Variants in LMAN2L observed in about 807,000 individuals in gnomAD.
LMAN2L encodes lectin, mannose binding 2 like.
A neutral mutation model predicts 44.3 loss-of-function variants in LMAN2L; 30 were observed. The observed-to-expected ratio is 0.68, with a 90% CI of 0.51 to 0.92. LMAN2L has a LOEUF of 0.92. Ranked by LOEUF, LMAN2L falls within the 40% of genes least tolerant of loss-of-function variation. LMAN2L has a pLI of 0.00. For missense variants in LMAN2L, 429 were observed against 446.1 expected, an observed-to-expected ratio of 0.96 and a Z score of 0.35; for synonymous variants, 183 against 171.1, an observed-to-expected ratio of 1.07 and a Z score of -0.54.
intron 2 of LMAN2L, among the ~76,000 whole-genome samples, chr2:96,736,473 G>C (rs62156215): frequency 0.027 from 4,079 of 152,298 alleles, 71 homozygotes; most frequent in Middle Eastern, 0.044. Context: ...GGCTATACTA[G>C]AACTGCTGCT....
chr2:96,712,200 A>G (rs1376347553), intron 4 of LMAN2L, among the ~76,000 whole-genome samples, 175 bp from the exon 5 acceptor site: 1 of 152,150 alleles, frequency 6.6e-6, no homozygotes, highest in African/African-American at 2.4e-5. Context: ...CTCTCAAGGG[A>G]AATGGGCCCA....
intron 4 of LMAN2L, among the ~76,000 whole-genome samples, chr2:96,721,857 A>C (rs547841590): frequency 1.1e-3 from 174 of 151,920 alleles, no homozygotes; most frequent in Non-Finnish European, 2.0e-3. Context: ...GTAGTCCTCA[A>C]CCTTTTTGGC....
At chr2:96,711,432 G>A (rs934120975) in intron 6 of LMAN2L, among the ~76,000 whole-genome samples, 3 of 152,236 alleles carry the variant, frequency 2.0e-5, no homozygotes, top group Admixed American at 6.5e-5. Flanking sequence ...GACAAACACT[G>A]CTTTCTATTA....
At chr2:96,722,363 G>C (rs1028263825) in intron 4 of LMAN2L, among the ~76,000 whole-genome samples, 90 of 151,938 alleles carry the variant, frequency 5.9e-4, no homozygotes, top group African/African-American at 2.1e-3. Context: ...CCCTAAGCTT[G>C]TTTTCCTGCA....
intron 2 of LMAN2L, 57 bp from the exon 3 acceptor site, chr2:96,734,583 G>GCCCA: frequency 9.3e-7 from 1 of 1,072,102 alleles, no homozygotes; most frequent in East Asian, 2.4e-5. Flanking sequence ...AACCCCTCAA[G>GCCCA]CCCACATCAG....
At chr2:96,725,477 C>T (rs1280834372) in intron 4 of LMAN2L, among the ~76,000 whole-genome samples, 2 of 142,456 alleles carry the variant, frequency 1.4e-5, no homozygotes, top group African/African-American at 5.2e-5. Context: ...GAGTCTCGTT[C>T]TGTCACCCAG....
intron 4 of LMAN2L, among the ~76,000 whole-genome samples, chr2:96,725,473 C>T (rs1404835480): frequency 2.7e-5 from 4 of 147,138 alleles, no homozygotes; most frequent in Admixed American, 2.0e-4. Context: ...GACGGAGTCT[C>T]GTTCTGTCAC....
chr2:96,712,378 G>A (rs2077945665), intron 4 of LMAN2L, among the ~76,000 whole-genome samples: 1 of 152,118 alleles, frequency 6.6e-6, no homozygotes, highest in Non-Finnish European at 1.5e-5. Context: ...TCGTGTATAT[G>A]TACCTATCTC....
chr2:96,730,567 C>T (rs2078371485), intron 4 of LMAN2L, among the ~76,000 whole-genome samples: 1 of 152,192 alleles, frequency 6.6e-6, no homozygotes, highest in South Asian at 2.1e-4. Flanking sequence ...GCAAGGTGAA[C>T]AGCAGCCCTA....
chr2:96,723,489 C>T (rs2078202311), intron 4 of LMAN2L, among the ~76,000 whole-genome samples: 1 of 152,158 alleles, frequency 6.6e-6, no homozygotes, highest in Admixed American at 6.5e-5. Flanking sequence ...CTTTACATTT[C>T]CTTGATGATG....
chr2:96,732,431 G>C (rs2078420678), intron 4 of LMAN2L, among the ~76,000 whole-genome samples: 2 of 151,728 alleles, frequency 1.3e-5, no homozygotes, highest in Admixed American at 6.6e-5. Flanking sequence ...GGATCACGAG[G>C]TCAGGGGTTC....
intron 4 of LMAN2L, among the ~76,000 whole-genome samples, chr2:96,730,919 C>T (rs867292096): frequency 3.9e-5 from 6 of 152,158 alleles, no homozygotes; most frequent in East Asian, 1.9e-4. Context: ...GTGATCCACC[C>T]GCCTTGGCCT....
intron 4 of LMAN2L, among the ~76,000 whole-genome samples, chr2:96,723,702 T>C (rs895606803): frequency 1.3e-5 from 2 of 152,196 alleles, no homozygotes; most frequent in Non-Finnish European, 2.9e-5. Flanking sequence ...ATTTTCTGTG[T>C]GGTGTGAAAT....
chr2:96,728,262 C>T (rs531689418), intron 4 of LMAN2L, among the ~76,000 whole-genome samples: 8 of 151,410 alleles, frequency 5.3e-5, no homozygotes, highest in South Asian at 4.2e-4. Flanking sequence ...CCGAGGCGGG[C>T]GGATCACGAG....
intron 2 of LMAN2L, among the ~76,000 whole-genome samples, chr2:96,736,826 G>A (rs1260577112): frequency 6.6e-6 from 1 of 152,166 alleles, no homozygotes; most frequent in Non-Finnish European, 1.5e-5. Context: ...CTTTATCTCT[G>A]CTACGAAAAC....
chr2:96,734,373 T>C (rs2078469211), intron 3 of LMAN2L, 36 bp downstream of exon 3: 1 of 1,281,922 alleles, frequency 7.8e-7, no homozygotes, highest in Non-Finnish European at 1.1e-6. Context: ...AATCAGGCTG[T>C]CACACCCACA....
In LMAN2L at chr2:96,738,084, G is replaced by T; in HGVS notation, c.188-17C>A. The stretch of plus-strand genomic sequence containing the variant: ...TGCCCACACCTACAGGAAGGAAGTA[G>T]ATCAGTTCATACTTTTCAACACCAA... On this transcript the variant is annotated splice_polypyrimidine_tract_variant and intron_variant, in intron 1 of 7. Coordinates refer to ENST00000264963, the MANE Select transcript of LMAN2L (RefSeq NM_030805.4). The T allele has an allele frequency of 3.2e-6, 5 of 1,562,316 alleles. No individual in the cohort carries two copies. The highest frequency in any genetic ancestry group is 4.4e-6 in the Non-Finnish European group (5 of 1,132,882).
In LMAN2L at chr2:96,713,064, C is replaced by T. The variant is rs567389267; in HGVS notation, c.508-1039G>A. 7.2e-6 allele frequency: 11 copies of T among 1,523,540 alleles called. No homozygotes were observed. In the Admixed American group the frequency reaches 2.2e-4, roughly 30 times the overall value. The allele number at this position is 1,523,540 out of a possible 1,614,324, so 94.4% of individuals were successfully genotyped here. A position where few individuals can be genotyped will look rare whatever the true frequency, so the allele number is the denominator to read the frequency against. ...AACAGCAACAAATGTTGGATGGACA[C>T]ATGGGAATGAGGGATGCTCATGATG... On this transcript the variant is annotated intron_variant, in intron 4 of 7. Transcript: ENST00000264963.
intron 4 of LMAN2L, among the ~76,000 whole-genome samples, chr2:96,723,512 C>T (rs2078202843): frequency 6.6e-6 from 1 of 152,166 alleles, no homozygotes; most frequent in African/African-American, 2.4e-5. Context: ...CTATGAAACA[C>T]GTAAGGTTTC....
Sources: gnomAD v4.1 joint callset for allele counts (sites outside exome capture counted in the v4.1 genomes callset) on GRCh38, gnomAD v4.1.1 for gene constraint, MANE v1.5 for transcripts, NCBI Gene and HGNC (gene_info 2026-07-23, HGNC 2026-07-21) for gene names.